The following PCDH15 variants were observed in gnomAD, a reference collection of about 807,000 sequenced individuals.
The protein encoded by PCDH15 is protocadherin-15.
PCDH15 carries 129 observed loss-of-function variants against 178.5 expected under a neutral mutation model. That is an observed-to-expected ratio of 0.72 (90% CI 0.63 to 0.84). The LOEUF (loss-of-function observed/expected upper bound fraction) is 0.84, where lower values mean the gene tolerates loss of function less well. Ranked by LOEUF, PCDH15 falls within the 40% of genes least tolerant of loss-of-function variation. The pLI is 0.00. For synonymous variants in PCDH15, 800 were observed against 732.0 expected, an observed-to-expected ratio of 1.09 and a Z score of -1.50; for missense variants, 2,230 against 2,099.9, an observed-to-expected ratio of 1.06 and a Z score of -1.21.
chr10:55,601,162 G>A (rs1446940009), intron 2 of PCDH15, among the ~76,000 whole-genome samples: 4 of 152,018 alleles, frequency 2.6e-5, no homozygotes, highest in Admixed American at 6.6e-5. Context: ...CATATATTAC[G>A]AGATCAATTT....
At chr10:54,011,513 A>C (rs2092585452) in intron 20 of PCDH15, among the ~76,000 whole-genome samples, 1 of 152,174 alleles carries the variant, frequency 6.6e-6, no homozygotes, top group Non-Finnish European at 1.5e-5. Flanking sequence ...TGGGAGTGCC[A>C]AACAGATATA....
chr10:53,967,980 T>C (rs1232296353), intron 21 of PCDH15, among the ~76,000 whole-genome samples: 1 of 152,128 alleles, frequency 6.6e-6, no homozygotes. Flanking sequence ...TTTCTGCATT[T>C]CCAACTGAGG....
chr10:55,325,912 T>C (rs1844018128), intron 2 of PCDH15, among the ~76,000 whole-genome samples: 1 of 151,736 alleles, frequency 6.6e-6, no homozygotes, highest in African/African-American at 2.4e-5. Flanking sequence ...ACAACCCCAT[T>C]AAAAAGTGGC....
At chr10:54,723,911 A>G (rs921502354) in intron 1 of PCDH15, among the ~76,000 whole-genome samples, 4 of 151,778 alleles carry the variant, frequency 2.6e-5, no homozygotes, top group Non-Finnish European at 4.4e-5. Context: ...GGATGTCAAG[A>G]AACGGCAATT....
intron 13 of PCDH15, among the ~76,000 whole-genome samples, chr10:54,165,739 A>G (rs916108846): frequency 6.6e-6 from 1 of 152,210 alleles, no homozygotes; most frequent in African/African-American, 2.4e-5. Context: ...CGTTGTATAC[A>G]ATGCCAAATC....
intron 2 of PCDH15, among the ~76,000 whole-genome samples, chr10:54,941,302 C>T (rs1838056618): frequency 3.3e-5 from 5 of 152,028 alleles, no homozygotes; most frequent in Admixed American, 3.3e-4. Flanking sequence ...CTTTCTACCC[C>T]TCTTTTTTGT....
intron 2 of PCDH15, among the ~76,000 whole-genome samples, chr10:55,350,266 TATACACACAC>T (rs1268877155): frequency 2.7e-4 from 16 of 58,978 alleles, no homozygotes; most frequent in African/African-American, 1.6e-3. Flanking sequence ...TATATATATA[TATACACACAC>T]ACACACACAC....
At chr10:54,862,265 T>G (rs1468854090) in intron 3 of PCDH15, among the ~76,000 whole-genome samples, 1 of 152,178 alleles carries the variant, frequency 6.6e-6, no homozygotes, top group Non-Finnish European at 1.5e-5. Flanking sequence ...ACTCATTTAC[T>G]TTTTCTCATG....
chr10:54,552,169 AACATT>A (rs1285137640), intron 2 of PCDH15, among the ~76,000 whole-genome samples: 1 of 152,136 alleles, frequency 6.6e-6, no homozygotes, highest in Admixed American at 6.6e-5. Flanking sequence ...CCTTATATTC[AACATT>A]ACATATTTGT....
intron 2 of PCDH15, among the ~76,000 whole-genome samples, chr10:55,547,772 G>C (rs1267739161): frequency 1.3e-5 from 2 of 151,872 alleles, no homozygotes; most frequent in Admixed American, 1.3e-4. Flanking sequence ...AGTTCATCTA[G>C]CTCTCTTAAA....
At chr10:55,502,303 G>A (rs939949258) in intron 2 of PCDH15, among the ~76,000 whole-genome samples, 1 of 151,528 alleles carries the variant, frequency 6.6e-6, no homozygotes, top group Non-Finnish European at 1.5e-5. Flanking sequence ...GACACATGCT[G>A]TTCCATTGGC....
At chr10:55,358,976 G>A (rs1010215413) in intron 2 of PCDH15, among the ~76,000 whole-genome samples, 3 of 152,028 alleles carry the variant, frequency 2.0e-5, no homozygotes, top group East Asian at 1.9e-4. Context: ...AAGATCTTTC[G>A]AGGCCAGGAC....
intron 2 of PCDH15, among the ~76,000 whole-genome samples, chr10:55,520,766 A>G (rs1219449451): frequency 6.6e-6 from 1 of 151,838 alleles, no homozygotes; most frequent in Non-Finnish European, 1.5e-5. Flanking sequence ...TAAGAGATAT[A>G]TCTCTCTGAT....
chr10:55,563,289 CTT>C (rs1412693710), intron 2 of PCDH15, among the ~76,000 whole-genome samples: 13 of 151,744 alleles, frequency 8.6e-5, no homozygotes, highest in South Asian at 2.1e-4. Context: ...TACATTTTTC[CTT>C]TACCCCTTTG....
intron 2 of PCDH15, among the ~76,000 whole-genome samples, chr10:54,650,586 T>C (rs1002757027): frequency 2.3e-4 from 35 of 152,278 alleles, no homozygotes; most frequent in African/African-American, 8.2e-4. Flanking sequence ...TAGTCTGTTC[T>C]CACACTGCTA....
chr10:53,929,990 C>A (rs184523260), intron 25 of PCDH15, among the ~76,000 whole-genome samples: 16 of 152,224 alleles, frequency 1.1e-4, no homozygotes, highest in Admixed American at 1.0e-3. Flanking sequence ...CTCTGTGGCA[C>A]AAATATTAAC....
At chr10:55,113,117 T>G (rs539932453) in intron 2 of PCDH15, among the ~76,000 whole-genome samples, 2 of 152,180 alleles carry the variant, frequency 1.3e-5, no homozygotes, top group Non-Finnish European at 2.9e-5. Flanking sequence ...TCTCCAAAAC[T>G]GTGAGAAATA....
At chr10:54,858,812 TG>T (rs1953786313) in intron 3 of PCDH15, among the ~76,000 whole-genome samples, 1 of 152,108 alleles carries the variant, frequency 6.6e-6, no homozygotes, top group Non-Finnish European at 1.5e-5. Context: ...GTGTGGTGAA[TG>T]GCATGACATT....
At chr10:54,173,477 G>A (rs562307696) in intron 13 of PCDH15, among the ~76,000 whole-genome samples, 2 of 152,220 alleles carry the variant, frequency 1.3e-5, no homozygotes, top group South Asian at 2.1e-4. Context: ...AAGTTTGGAA[G>A]TACTACGTTA....
Sources: gnomAD v4.1 joint callset for allele counts (sites outside exome capture counted in the v4.1 genomes callset) on GRCh38, gnomAD v4.1.1 for gene constraint, MANE v1.5 for transcripts, NCBI Gene and HGNC (gene_info 2026-07-23, HGNC 2026-07-21) for gene names.